MLN: variants seen among roughly 807,000 people sequenced by gnomAD.
MLN encodes promotilin.
MLN carries 14 observed loss-of-function variants against 13.3 expected under a neutral mutation model. The observed-to-expected ratio is 1.05, with a 90% CI of 0.69 to 1.64. The LOEUF (loss-of-function observed/expected upper bound fraction) is 1.64, where lower values mean the gene tolerates loss of function less well. Ranked by LOEUF, MLN falls within the 40% of genes most tolerant of loss-of-function variation. MLN has a pLI of 0.00. For synonymous variants in MLN, 59 were observed against 54.7 expected (o/e 1.08, Z -0.34); for missense variants, 122 against 142.9 (o/e 0.85, Z 0.75).
At chr6:33,794,967 T>C in intron 4 of MLN, 132 bp from the exon 5 acceptor site, 1 of 1,123,484 alleles carries the variant, frequency 8.9e-7, no homozygotes, top group East Asian at 2.5e-5. Flanking sequence ...TGGGAAGTTT[T>C]GCAAGGAGCC....
In MLN at chr6:33,794,705, A is replaced by T. The variant is rs1430315080; in HGVS notation, c.*120T>A. ...TTCATGCTTTATTTGCTGGAGGGGA[A>T]TTTGCTTTGGAAAGGGTGTTTTCCT... is the stretch of plus-strand genomic sequence containing the variant. On this transcript the variant is annotated 3_prime_UTR_variant, in exon 5 of 5. Coordinates refer to ENST00000430124, the MANE Select transcript of MLN (RefSeq NM_002418.3). The T allele has an allele frequency of 3.6e-6, 4 of 1,106,476 alleles. No homozygotes were observed. In the East Asian group the frequency reaches 7.7e-5, roughly 21 times the overall value. The allele number at this position is 1,106,476 out of a possible 1,614,324, so 68.5% of individuals were successfully genotyped here.
intron 2 of MLN, 39 bp downstream of exon 2, chr6:33,801,008 T>C (rs1387405373): frequency 6.7e-7 from 1 of 1,484,568 alleles, no homozygotes; most frequent in Non-Finnish European, 9.4e-7. Flanking sequence ...CATAGTGACC[T>C]CAGCCTTGCT....
chr6:33,795,580 A>T lies in MLN; in HGVS notation c.260T>A (p.Met87Lys). 6.4e-7 allele frequency: 1 copy of T among 1,561,552 alleles called. No individual in the cohort carries two copies. The highest frequency in any genetic ancestry group is 8.7e-7 in the Non-Finnish European group (1 of 1,151,538). The change falls in exon 4 of 5, where the codon ATG becomes AAG. Residue 87 changes from methionine to lysine, a missense_variant. Physicochemically the swap from Met to Lys is moderately conservative, Grantham distance 95 (BLOSUM62 -1). Transcript: ENST00000430124. ...IKLTAPLEIG[M>K]RMNSRQLEKY... ...TTCCAGCTGTCTGGAGTTCATCCTC[A>T]TTCCAATTTCCAGAGGAGCAGTCAG...
rs1183350293 is a variant in MLN at position 33,794,811 on chromosome 6, C to T, written c.*14G>A. Reference sequence around the variant, plus strand: ...GGCCTCCCAAATCTGTCCACCTTCTCCCCAGCGTGGCCATCACTTGGCTGC... The same window carrying T: ...GGCCTCCCAAATCTGTCCACCTTCTTCCCAGCGTGGCCATCACTTGGCTGC... On this transcript the variant is annotated 3_prime_UTR_variant, in exon 5 of 5. Coordinates refer to ENST00000430124, the MANE Select transcript of MLN (RefSeq NM_002418.3). 2.7e-5 allele frequency: 43 copies of T among 1,613,708 alleles called. No individual in the cohort carries two copies. Among genetic ancestry groups the T allele is most frequent in the Non-Finnish European group, 3.6e-5 (43 of 1,179,786 alleles).
chr6:33,795,676 G>A, intron 3 of MLN, 71 bp from the exon 4 acceptor site: 1 of 1,329,392 alleles, frequency 7.5e-7, no homozygotes, highest in Non-Finnish European at 1.1e-6. Context: ...TGCACTACAG[G>A]TGGCAGGAGG....
chr6:33,795,497 CCG>C lies in MLN; in HGVS notation c.337+4_337+5del. 6.4e-7 allele frequency: 1 copy of C among 1,557,024 alleles called. No homozygotes were observed. Among genetic ancestry groups the C allele is most frequent in the Non-Finnish European group, 8.7e-7 (1 of 1,149,522 alleles). On this transcript the variant is annotated splice_donor_5th_base_variant and intron_variant, in intron 4 of 4. Transcript: ENST00000430124. ...CAAGCCACAGAGATGCCCGCCCTCC[CCG>C]TACCATGCTGGGGAAGCATCTCACT...
Position 33,799,119 on chromosome 6 carries a change from T to C in MLN, c.220A>G (p.Asn74Asp). Residue 74 changes from asparagine (N) to aspartate (D), a missense_variant, in exon 3 of 5, where the codon AAC becomes GAC. Asn to Asp is a conservative substitution (Grantham distance 23). Coordinates refer to ENST00000430124, the MANE Select transcript of MLN (RefSeq NM_002418.3). This position sits in a 1 kb window ranked among gnomAD's most constrained non-coding sequence, Gnocchi z 4.6. ...TGTCTGCTCACCTTGATCATTTCGTTTTCTTCTTCCCTGATGGGCTCCGCA... is the reference window on the plus strand; with the variant it reads ...TGTCTGCTCACCTTGATCATTTCGTCTTCTTCTTCCCTGATGGGCTCCGCA... ...DPAEPIREEE[N>D]EMIKLTAPLE... The C allele has an allele frequency of 6.2e-7, 1 of 1,607,072 alleles. No homozygotes were observed. Among genetic ancestry groups the C allele is most frequent in the Non-Finnish European group, 8.5e-7 (1 of 1,174,416 alleles).
Position 33,796,023 on chromosome 6 carries a change from G to A in MLN, c.235-418C>T, listed in dbSNP as rs559607263. Among the ~76,000 whole-genome samples the A allele has an allele frequency of 3.3e-3, 491 of 148,116 alleles. 2 individuals carry two copies. The highest frequency in any genetic ancestry group is 5.2e-3 in the Non-Finnish European group (351 of 67,394). On this transcript the variant is annotated intron_variant, in intron 3 of 4. Transcript: ENST00000430124. ...CGCCCAGGCTGGAGTGCAGTGGCGC[G>A]ATCTCGGCTCACTGCAAGCTCCGCC...
In MLN at chr6:33,794,815, A is replaced by T. The variant is rs201473541; in HGVS notation, c.*10T>A. 12 of 1,613,540 alleles carry T rather than the reference A, an allele frequency of 7.4e-6. No individual in the cohort carries two copies. Among genetic ancestry groups the T allele is most frequent in the East Asian group, 2.2e-5 (1 of 44,828 alleles). ...TCCCAAATCTGTCCACCTTCTCCCC[A>T]GCGTGGCCATCACTTGGCTGCTGGA... On this transcript the variant is annotated 3_prime_UTR_variant, in exon 5 of 5. Transcript: ENST00000430124.
chr6:33,801,834 A>G (rs73412155), intron 1 of MLN, among the ~76,000 whole-genome samples: 12,567 of 152,316 alleles, frequency 0.083, 891 homozygotes, highest in African/African-American at 0.19. Context: ...TTTGGCCACC[A>G]TCCTGAAACA....
At chr6:33,794,925 G>T in intron 4 of MLN, 90 bp from the exon 5 acceptor site, 1 of 1,539,606 alleles carries the variant, frequency 6.5e-7, no homozygotes, top group Non-Finnish European at 8.9e-7. Context: ...TCGGAGGGAG[G>T]AGGGGGCACA....
intron 1 of MLN, among the ~76,000 whole-genome samples, chr6:33,802,593 T>G (rs3806109): frequency 0.34 from 51,441 of 152,092 alleles, 9,754 homozygotes; most frequent in East Asian, 0.76. Flanking sequence ...CTATTCCAGC[T>G]CTCTCTTCTT....
chr6:33,801,241 G>A, intron 1 of MLN, 71 bp from the exon 2 acceptor site: 5 of 1,168,788 alleles, frequency 4.3e-6, no homozygotes, highest in South Asian at 3.8e-5. Flanking sequence ...CCGAGGCAGG[G>A]GCCCTCAGTT....
chr6:33,798,927 G>T (rs527886169), intron 3 of MLN, among the ~76,000 whole-genome samples, 178 bp downstream of exon 3: 1 of 152,146 alleles, frequency 6.6e-6, no homozygotes, highest in Admixed American at 6.5e-5. Flanking sequence ...GATTTATCTC[G>T]TTGCTGGAGT....
chr6:33,801,565 C>T (rs1337860569), intron 1 of MLN, among the ~76,000 whole-genome samples: 1 of 152,188 alleles, frequency 6.6e-6, no homozygotes, highest in African/African-American at 2.4e-5. Flanking sequence ...GCCCCAAGAC[C>T]CAGAGAGACC....
At position 33,799,906 on chromosome 6, in the gene MLN, T is replaced by TC. The variant is rs765182284; in HGVS notation, c.118-686dup. Among the ~76,000 whole-genome samples, 1 of 152,224 alleles carries TC rather than the reference T, an allele frequency of 6.6e-6. No individual in the cohort carries two copies. The highest frequency in any genetic ancestry group is 1.5e-5 in the Non-Finnish European group (1 of 68,046). On this transcript the variant is annotated intron_variant, in intron 2 of 4. Transcript: ENST00000430124. This position sits in a 1 kb window ranked among gnomAD's most constrained non-coding sequence, Gnocchi z 4.6. ...CTGAGATCCTCATTCCTTTGCTTTC[T>TC]CTAATGACACTCTTGGGACTCTGCT...
rs1166206564 is a variant in MLN at position 33,795,610 on chromosome 6, G to C, written c.235-5C>G. The C allele has an allele frequency of 8.4e-6, 13 of 1,553,600 alleles. No individual in the cohort carries two copies. Among genetic ancestry groups the C allele is most frequent in the Non-Finnish European group, 1.1e-5 (13 of 1,147,618 alleles). On this transcript the variant is annotated splice_polypyrimidine_tract_variant and splice_region_variant and intron_variant, in intron 3 of 4. Transcript: ENST00000430124. ...AATTTCCAGAGGAGCAGTCAGCTGT[G>C]AAATAAGGCAGCGTTAACAACGAGG...
At chr6:33,800,498 C>T (rs917691321) in intron 2 of MLN, among the ~76,000 whole-genome samples, 8 of 152,206 alleles carry the variant, frequency 5.3e-5, no homozygotes, top group East Asian at 3.9e-4. Context: ...ATTGGTCCCT[C>T]GCTCTTGATC....
chr6:33,795,450 G>T, intron 4 of MLN, 53 bp downstream of exon 4: 3 of 1,427,868 alleles, frequency 2.1e-6, no homozygotes, highest in Non-Finnish European at 2.9e-6. Context: ...GAGTATTAAC[G>T]CCAGGGTGGG....
Sources: gnomAD v4.1 joint callset for allele counts (sites outside exome capture counted in the v4.1 genomes callset) on GRCh38, gnomAD v4.1.1 for gene constraint, Gnocchi (gnomAD v3.1) non-coding constraint, MANE v1.5 for transcripts, NCBI Gene and HGNC (gene_info 2026-07-23, HGNC 2026-07-21) for gene names.